MTREX: variants seen among roughly 807,000 people sequenced by gnomAD.
MTREX encodes the protein Mtr4 exosome RNA helicase, also known as exosome RNA helicase MTR4.
In MTREX, 76 loss-of-function variants were observed where a neutral mutation model predicts 135.4. The observed-to-expected ratio is 0.56, with a 90% CI of 0.47 to 0.68. The LOEUF (loss-of-function observed/expected upper bound fraction) is 0.68, where lower values mean the gene tolerates loss of function less well. Among genes scored for constraint, MTREX ranks in the 30% least tolerant of loss-of-function variants. The probability of loss-of-function intolerance (pLI) is 0.00; values close to 1 mark genes in which losing one functional copy is unlikely to be tolerated. For missense variants in MTREX, 920 were observed against 1,262.1 expected (o/e 0.73, Z 4.11); for synonymous variants, 404 against 401.6 (o/e 1.01, Z -0.07).
chr5:55,317,724 T>G (rs1749221528), intron 1 of MTREX, among the ~76,000 whole-genome samples: 2 of 152,162 alleles, frequency 1.3e-5, no homozygotes, highest in South Asian at 4.1e-4. Context: ...TGGGCAAAGA[T>G]TTGATGACAA....
At position 55,405,438 on chromosome 5, in the gene MTREX, T is replaced by C. The variant is rs1400211312; in HGVS notation, c.2495T>C (p.Ile832Thr). 2.5e-6 allele frequency: 4 copies of C among 1,613,034 alleles called. No individual in the cohort carries two copies. Among genetic ancestry groups the C allele is most frequent in the Admixed American group, 1.7e-5 (1 of 59,978 alleles). Residue 832 changes from isoleucine (I) to threonine (T), a missense_variant, in exon 22 of 27, where the codon ATT (isoleucine) becomes ACT (threonine). By Grantham distance (89) the Ile-to-Thr change is moderately conservative. Coordinates refer to ENST00000230640, the MANE Select transcript of MTREX (RefSeq NM_015360.5). Reference protein sequence around the residue: ...CEKKAQIAIDIKSAKRELKKA... With the variant: ...CEKKAQIAIDTKSAKRELKKA... Reference sequence around the variant, plus strand: ...CATGTGCTTTAGATTGCAATAGATATTAAATCTGCAAAGCGAGAACTGAAG... The same window carrying C: ...CATGTGCTTTAGATTGCAATAGATACTAAATCTGCAAAGCGAGAACTGAAG...
intron 23 of MTREX, 96 bp from the exon 24 acceptor site, chr5:55,414,086 C>A: frequency 3.7e-6 from 3 of 808,410 alleles, no homozygotes; most frequent in Non-Finnish European, 5.7e-6. Context: ...TGATATGTGA[C>A]TATCTTACAA....
chr5:55,329,416 G>A (rs963501846), intron 5 of MTREX: 7 of 151,172 alleles, frequency 4.6e-5, no homozygotes, highest in South Asian at 2.1e-4. Context: ...TCAAGCAATC[G>A]TCCCACCTTG....
chr5:55,339,940 A>G, intron 5 of MTREX, 70 bp from the exon 6 acceptor site: 1 of 1,208,818 alleles, frequency 8.3e-7, no homozygotes, highest in Non-Finnish European at 1.1e-6. Flanking sequence ...CACAATTTAA[A>G]TATTAACAGA....
intron 15 of MTREX, among the ~76,000 whole-genome samples, chr5:55,363,463 A>G (rs567840995): frequency 6.0e-5 from 9 of 150,570 alleles, no homozygotes; most frequent in Non-Finnish European, 1.2e-4. Flanking sequence ...GAATTCTTCG[A>G]AGTTTTCCTG....
At chr5:55,378,634 C>T (rs962118835) in intron 17 of MTREX, 148 bp downstream of exon 17, 1 of 984,166 alleles carries the variant, frequency 1.0e-6, no homozygotes, top group Admixed American at 3.5e-5. Context: ...ACCTGTTTCA[C>T]ATGGCACTAA....
At chr5:55,364,631 C>G (rs1013223536) in intron 15 of MTREX, among the ~76,000 whole-genome samples, 2 of 152,092 alleles carry the variant, frequency 1.3e-5, no homozygotes, top group East Asian at 1.9e-4. Context: ...AGAACAGTTA[C>G]GATGGTAGTT....
intron 1 of MTREX, among the ~76,000 whole-genome samples, chr5:55,313,324 C>T (rs952078897): frequency 4.0e-5 from 6 of 151,798 alleles, no homozygotes; most frequent in African/African-American, 1.5e-4. Flanking sequence ...CCTGTAGTCC[C>T]TCCTAGTCAG....
chr5:55,346,055 A>G (rs1749727335), intron 10 of MTREX, among the ~76,000 whole-genome samples: 1 of 152,142 alleles, frequency 6.6e-6, no homozygotes, highest in Admixed American at 6.6e-5. Flanking sequence ...TTGTTTCTCC[A>G]TTCATCATTG....
In MTREX at chr5:55,425,426, C is replaced by G; in HGVS notation, c.*654C>G. ...AACAGCATCCTAAGATAAATATAAA[C>G]AAAAGGATATACTTTGAGGTGTACA... On this transcript the variant is annotated 3_prime_UTR_variant, in exon 27 of 27. Coordinates refer to ENST00000230640, the MANE Select transcript of MTREX (RefSeq NM_015360.5). 8.3e-7 allele frequency: 1 copy of G among 1,204,984 alleles called. No homozygotes were observed. Among genetic ancestry groups the G allele is most frequent in the Non-Finnish European group, 1.2e-6 (1 of 862,240 alleles). 74.6% of individuals were successfully genotyped at this position (1,204,984 alleles called of 1,614,324 possible).
chr5:55,313,963 C>T (rs900151696), intron 1 of MTREX, among the ~76,000 whole-genome samples: 8 of 151,742 alleles, frequency 5.3e-5, no homozygotes, highest in Non-Finnish European at 1.5e-5. Flanking sequence ...AAGAGATCAT[C>T]GTATATCAAT....
chr5:55,320,205 CTTTA>C (rs1344183826), intron 1 of MTREX, among the ~76,000 whole-genome samples: 1 of 150,634 alleles, frequency 6.6e-6, no homozygotes, highest in Non-Finnish European at 1.5e-5. Context: ...TTGTTTTACC[CTTTA>C]TTAAAAAGTC....
chr5:55,366,308 A>G (rs1020435936), intron 15 of MTREX, among the ~76,000 whole-genome samples: 3 of 152,128 alleles, frequency 2.0e-5, no homozygotes, highest in Admixed American at 6.6e-5. Flanking sequence ...GGGTAATACA[A>G]TGAGACCTCT....
chr5:55,353,257 G>A lies in MTREX; in HGVS notation c.1521G>A (p.Lys507=). The change falls in exon 14 of 27, where the codon AAG becomes AAA. Residue 507 remains lysine, a synonymous_variant. Coordinates refer to ENST00000230640, the MANE Select transcript of MTREX (RefSeq NM_015360.5). The part of the protein sequence containing the change: ...LFTNARKFDG[K]DFRWISSGEY... ...CAAATGCCCGCAAATTTGATGGGAAGGATTTCCGATGGGTAAGTAAAGCAA... is the reference window on the plus strand; with the variant it reads ...CAAATGCCCGCAAATTTGATGGGAAAGATTTCCGATGGGTAAGTAAAGCAA... 6.2e-7 allele frequency: 1 copy of A among 1,606,110 alleles called. No homozygotes were observed. The highest frequency in any genetic ancestry group is 2.2e-5 in the East Asian group (1 of 44,510).
At chr5:55,330,821 C>A (rs1749464066) in intron 5 of MTREX, among the ~76,000 whole-genome samples, 1 of 152,066 alleles carries the variant, frequency 6.6e-6, no homozygotes, top group African/African-American at 2.4e-5. Context: ...ATACTTACAG[C>A]AGGCCCCTTT....
chr5:55,385,563 A>G (rs1579885586), intron 18 of MTREX, among the ~76,000 whole-genome samples: 1 of 152,176 alleles, frequency 6.6e-6, no homozygotes, highest in East Asian at 1.9e-4. Context: ...TGAAGTGGGA[A>G]GAGTGAGGAA....
In MTREX at chr5:55,324,213, C is replaced by T. The variant is rs1189037362; in HGVS notation, c.339+15C>T. 2 of 1,584,094 alleles carry T rather than the reference C, an allele frequency of 1.3e-6. No individual in the cohort carries two copies. The highest frequency in any genetic ancestry group is 1.7e-6 in the Non-Finnish European group (2 of 1,156,922). On this transcript the variant is annotated intron_variant, in intron 3 of 26. Transcript: ENST00000230640. ...GTACACATGAGGTAAGCACAAACAG[C>T]ATACAGAAGGTTAGTGTTACAAATG...
chr5:55,416,070 T>C lies in MTREX; in HGVS notation c.2909T>C (p.Val970Ala), dbSNP rs909301002. The C allele has an allele frequency of 6.3e-7, 1 of 1,599,228 alleles. No individual in the cohort carries two copies. The highest frequency in any genetic ancestry group is 8.5e-7 in the Non-Finnish European group (1 of 1,175,250). The change falls in exon 25 of 27, where the codon GTA becomes GCA. Residue 970 changes from valine (V) to alanine (A), a missense_variant. Physicochemically the swap from Val to Ala is moderately conservative, Grantham distance 64. This residue lies in a region of MTREX where 467 missense variants were observed against 589.7 expected (regional missense o/e 0.79). Transcript: ENST00000230640. ...SSFKPHLMDV[V>A]YTWATGATFA... The stretch of plus-strand genomic sequence containing the variant: ...TTTAAACCTCACTTAATGGATGTAG[T>C]ATATACCTGGGCAACTGGAGCTACA...
intron 2 of MTREX, 141 bp downstream of exon 2, chr5:55,322,605 A>T: frequency 3.4e-6 from 2 of 584,494 alleles, no homozygotes; most frequent in Non-Finnish European, 5.6e-6. Context: ...TTACACAGGC[A>T]TGTAAATGTA....
Sources: gnomAD v4.1 joint callset for allele counts (sites outside exome capture counted in the v4.1 genomes callset) on GRCh38, gnomAD v4.1.1 for gene constraint, gnomAD v4.1.1 regional missense constraint, MANE v1.5 for transcripts, NCBI Gene and HGNC (gene_info 2026-07-23, HGNC 2026-07-21) for gene names.